The following MAPK8IP3 variants were observed in gnomAD, a reference collection of about 807,000 sequenced individuals.
MAPK8IP3 encodes the protein mitogen-activated protein kinase 8 interacting protein 3.
In MAPK8IP3, 49 loss-of-function variants were observed where a neutral mutation model predicts 157.8. The ratio of observed to expected loss-of-function variants is 0.31; its 90% CI spans 0.25 to 0.39. MAPK8IP3 has a LOEUF of 0.39. MAPK8IP3 is among the 10% of genes least tolerant of loss of function. MAPK8IP3 has a pLI of 1.00. For missense variants in MAPK8IP3, 1,478 were observed against 1,889.4 expected, an observed-to-expected ratio of 0.78 and a Z score of 4.04; for synonymous variants, 897 against 777.7, an observed-to-expected ratio of 1.15 and a Z score of -2.55.
At chr16:1,755,644 C>T (rs2041549039) in intron 8 of MAPK8IP3, among the ~76,000 whole-genome samples, 1 of 151,818 alleles carries the variant, frequency 6.6e-6, no homozygotes, top group African/African-American at 2.4e-5. Flanking sequence ...GTCAAGAGAT[C>T]GAGACCATCT....
rs918724387 is a variant in MAPK8IP3 at position 1,724,316 on chromosome 16, CA to C, written c.319-239del. ...CAAATCCTCCCGGGAGAGGAGGGTG[CA>C]ATCATGCAGTCCTGGAGGGCTCTCC... is the stretch of plus-strand genomic sequence containing the variant. On this transcript the variant is annotated intron_variant, in intron 1 of 31. Transcript: ENST00000610761. This position sits in a 1 kb window ranked among gnomAD's most constrained non-coding sequence, Gnocchi z 4.1. Among the ~76,000 whole-genome samples the C allele has an allele frequency of 6.6e-6, 1 of 152,234 alleles. No individual in the cohort carries two copies. Among genetic ancestry groups the C allele is most frequent in the African/African-American group, 2.4e-5 (1 of 41,458 alleles).
intron 8 of MAPK8IP3, 143 bp from the exon 9 acceptor site, chr16:1,758,005 C>A: frequency 1.2e-6 from 1 of 816,748 alleles, no homozygotes; most frequent in South Asian, 1.6e-5. Flanking sequence ...GGAGGCTGCT[C>A]CCTCTCTCTC....
In MAPK8IP3 at chr16:1,768,347, C is replaced by A; in HGVS notation, c.3711C>A (p.Arg1237=). 1 of 1,604,902 alleles carries A rather than the reference C, an allele frequency of 6.2e-7. No individual in the cohort carries two copies. The highest frequency in any genetic ancestry group is 1.7e-4 in the Middle Eastern group (1 of 6,058). Residue 1237 remains arginine (R), a synonymous_variant, in exon 30 of 32, where the codon CGC becomes CGA. Coordinates refer to ENST00000610761, the MANE Select transcript of MAPK8IP3 (RefSeq NM_001318852.2). The part of the protein sequence containing the change: ...AQAQLCFHGH[R]DAVKFFVSVP... The stretch of plus-strand genomic sequence containing the variant: ...CCCAGCTATGCTTCCATGGGCACCG[C>A]GATGCCGTGAAGTTCTTTGTCTCGG...
intron 8 of MAPK8IP3, 177 bp downstream of exon 8, chr16:1,748,897 T>A (rs759703410): frequency 2.1e-5 from 16 of 747,746 alleles, no homozygotes; most frequent in Non-Finnish European, 3.9e-5. Context: ...CCACAGGGGA[T>A]TGGTTTCTGG....
At position 1,769,954 on chromosome 16, in the gene MAPK8IP3, C is replaced by G. The variant is rs895814442; in HGVS notation, c.*1130C>G. 1 of 152,386 alleles carries G rather than the reference C, an allele frequency of 6.6e-6. No individual in the cohort carries two copies. The highest frequency in any genetic ancestry group is 2.4e-5 in the African/African-American group (1 of 41,450). 9.4% of individuals were successfully genotyped at this position (152,386 alleles called of 1,614,324 possible). On this transcript the variant is annotated 3_prime_UTR_variant, in exon 32 of 32. Transcript: ENST00000610761. The stretch of plus-strand genomic sequence containing the variant: ...ACCCTGGACTGCTCTCCCTGCCCAG[C>G]TGGGCCTCTCTGGCCTATTCCTACC...
chr16:1,730,401 C>G (rs890045087), intron 4 of MAPK8IP3, among the ~76,000 whole-genome samples: 4 of 150,750 alleles, frequency 2.7e-5, no homozygotes, highest in Admixed American at 2.6e-4. Flanking sequence ...GTCAGGAGCT[C>G]GAGACTAGCT....
At chr16:1,736,306 C>T (rs2039811012) in intron 4 of MAPK8IP3, among the ~76,000 whole-genome samples, 1 of 62,166 alleles carries the variant, frequency 1.6e-5, no homozygotes, top group Non-Finnish European at 3.0e-5. Context: ...CCGTGAGCGT[C>T]CGTGTGAGCG....
chr16:1,766,751 T>C lies in MAPK8IP3; in HGVS notation c.2968T>C (p.Trp990Arg), dbSNP rs1225387612. 1 of 1,612,818 alleles carries C rather than the reference T, an allele frequency of 6.2e-7. No homozygotes were observed. Among genetic ancestry groups the C allele is most frequent in the Non-Finnish European group, 8.5e-7 (1 of 1,179,900 alleles). Residue 990 changes from tryptophan to arginine, a missense_variant, in exon 24 of 32, where the codon TGG (tryptophan) becomes CGG (arginine). Around this residue, in one of 11 missense-constraint regions of MAPK8IP3, gnomAD observed 669 missense variants for 759.8 expected, o/e 0.88. Transcript: ENST00000610761. ...CTATGTGCACTCGGCTGTGGCCAAC[T>C]GGAAGAAGTGCCTGCACTCCATCAA... ...WLYVHSAVAN[W>R]KKCLHSIKLK...
At chr16:1,760,575 C>T in intron 12 of MAPK8IP3, 43 bp downstream of exon 12, 1 of 1,583,762 alleles carries the variant, frequency 6.3e-7, no homozygotes, top group South Asian at 1.1e-5. Flanking sequence ...GGGACCCCGG[C>T]CTCAGGGCTC....
chr16:1,764,279 G>A, intron 18 of MAPK8IP3, 22 bp from the exon 19 acceptor site: 1 of 1,585,826 alleles, frequency 6.3e-7, no homozygotes, highest in South Asian at 1.1e-5. Flanking sequence ...GGTGACACCC[G>A]ACCTCGGCCC....
chr16:1,758,200 C>CG, intron 9 of MAPK8IP3, 41 bp downstream of exon 9: 1 of 1,609,970 alleles, frequency 6.2e-7, no homozygotes, highest in South Asian at 1.1e-5. Flanking sequence ...CTCTGTGTGA[C>CG]GGGGGGAGTG....
intron 2 of MAPK8IP3, among the ~76,000 whole-genome samples, chr16:1,725,149 TTTATTA>T (rs71145429): frequency 0.012 from 1,750 of 144,466 alleles, 20 homozygotes; most frequent in Non-Finnish European, 0.018. Context: ...GCAGAAAGGG[TTTATTA>T]TTATTATTAT....
intron 1 of MAPK8IP3, among the ~76,000 whole-genome samples, chr16:1,709,004 G>A (rs2037581044): frequency 6.6e-6 from 1 of 152,184 alleles, no homozygotes; most frequent in Non-Finnish European, 1.5e-5. Flanking sequence ...GACGTCACAC[G>A]CTGCAGGCGT....
chr16:1,764,996 C>T lies in MAPK8IP3; in HGVS notation c.2281-17C>T, dbSNP rs1203074292. The T allele has an allele frequency of 1.3e-6, 2 of 1,594,098 alleles. No individual in the cohort carries two copies. The highest frequency in any genetic ancestry group is 2.3e-5 in the East Asian group (1 of 44,326). On this transcript the variant is annotated splice_polypyrimidine_tract_variant and intron_variant, in intron 19 of 31. Transcript: ENST00000610761. ...CTCAAGCTCGGGCTCTGACCTTGAT[C>T]CCGTGCCCTGAAACAGGCCAAGGAG...
intron 8 of MAPK8IP3, among the ~76,000 whole-genome samples, chr16:1,750,557 T>A (rs2041232418): frequency 1.3e-5 from 2 of 151,736 alleles, no homozygotes; most frequent in Admixed American, 6.6e-5. Context: ...TTTGAAAAAA[T>A]TATATATGCT....
intron 17 of MAPK8IP3, 52 bp downstream of exon 17, chr16:1,763,835 G>C: frequency 7.5e-7 from 1 of 1,329,170 alleles, no homozygotes; most frequent in Non-Finnish European, 9.8e-7. Flanking sequence ...GGCGGGGCGG[G>C]GGTAAGGGGC....
chr16:1,766,477 G>C, intron 22 of MAPK8IP3, 52 bp from the exon 23 acceptor site: 2 of 1,602,690 alleles, frequency 1.2e-6, no homozygotes, highest in South Asian at 2.2e-5. Flanking sequence ...TCGGGGTCTT[G>C]GGGCAGGTGC....
rs188041704 is a variant in MAPK8IP3, at chr16:1,760,455, G to C, written c.1380G>C (p.Arg460Ser). 1.2e-6 allele frequency: 2 copies of C among 1,614,026 alleles called. No homozygotes were observed. Among genetic ancestry groups the C allele is most frequent in the South Asian group, 2.2e-5 (2 of 91,080 alleles). ...TGTCCGGGGAGCAGGAGGTGCTGAG[G>C]GGCGAGTTGGAGGCTGCTAAGCAGG... ...DQLSGEQEVL[R>S]GELEAAKQAK... Residue 460 changes from arginine to serine, a missense_variant, in exon 12 of 32, where the codon AGG becomes AGC. Arg to Ser is a moderately radical substitution (Grantham distance 110). Around this residue, in one of 11 missense-constraint regions of MAPK8IP3, gnomAD observed 96 missense variants for 106.3 expected, o/e 0.90. Transcript: ENST00000610761.
rs1234120293 is a variant in MAPK8IP3 at position 1,743,065 on chromosome 16, A to G, written c.603-267A>G. On this transcript the variant is annotated intron_variant, in intron 4 of 31. Coordinates refer to ENST00000610761, the MANE Select transcript of MAPK8IP3 (RefSeq NM_001318852.2). This position sits in a 1 kb window ranked among gnomAD's most constrained non-coding sequence, Gnocchi z 5.6. ...AGCCAAGTTCGTGCCACTGCACTCC[A>G]GCCTGGGTGACAGAGCGAGACTCCG... is the stretch of plus-strand genomic sequence containing the variant. Among the ~76,000 whole-genome samples, 1 of 152,166 alleles carries G rather than the reference A, an allele frequency of 6.6e-6. No homozygotes were observed. The highest frequency in any genetic ancestry group is 2.4e-5 in the African/African-American group (1 of 41,436).
Sources: allele counts gnomAD v4.1 joint callset (sites outside exome capture counted in the v4.1 genomes callset), GRCh38; gene constraint gnomAD v4.1.1; regional missense constraint gnomAD v4.1.1; non-coding constraint Gnocchi (gnomAD v3.1); transcripts MANE v1.5; gene names NCBI Gene and HGNC (gene_info 2026-07-23, HGNC 2026-07-21).